Variants in KCNH1 observed in about 807,000 individuals in gnomAD.
KCNH1 encodes voltage-gated delayed rectifier potassium channel KCNH1.
A neutral mutation model predicts 69.2 loss-of-function variants in KCNH1; 27 were observed. The ratio of observed to expected loss-of-function variants is 0.39; its 90% confidence interval spans 0.29 to 0.54. The LOEUF (loss-of-function observed/expected upper bound fraction) is 0.54. Ranked by LOEUF, KCNH1 falls within the 20% of genes least tolerant of loss-of-function variation. KCNH1 has a pLI of 0.68. For missense variants in KCNH1, 798 were observed against 1,261.6 expected (o/e 0.63, Z 5.57); for synonymous variants, 456 against 487.7 (o/e 0.93, Z 0.86).
At chr1:210,782,847 C>T (rs1684014675) in intron 9 of KCNH1, among the ~76,000 whole-genome samples, 1 of 152,228 alleles carries the variant, frequency 6.6e-6, no homozygotes, top group Non-Finnish European at 1.5e-5. Flanking sequence ...AGTGAACCCT[C>T]ACAGGACACC....
chr1:211,059,771 GA>G (rs1200141470), intron 5 of KCNH1, among the ~76,000 whole-genome samples: 1 of 151,936 alleles, frequency 6.6e-6, no homozygotes, highest in Admixed American at 6.6e-5. Context: ...GAGAGAGAGA[GA>G]GAGAGATTCC....
chr1:210,877,264 G>C (rs1049289822), intron 7 of KCNH1, among the ~76,000 whole-genome samples: 1 of 152,152 alleles, frequency 6.6e-6, no homozygotes, highest in Non-Finnish European at 1.5e-5. Flanking sequence ...AGGGACGTAA[G>C]TGGAAGGTGG....
At chr1:210,713,541 T>TAAAG (rs1682131513) in intron 10 of KCNH1, among the ~76,000 whole-genome samples, 1 of 152,198 alleles carries the variant, frequency 6.6e-6, no homozygotes, top group Non-Finnish European at 1.5e-5. Flanking sequence ...TTGCTCTCCA[T>TAAAG]AAAGAAATAG....
intron 10 of KCNH1, among the ~76,000 whole-genome samples, chr1:210,769,338 C>T (rs746001003): frequency 6.6e-6 from 1 of 152,186 alleles, no homozygotes; most frequent in Non-Finnish European, 1.5e-5. Flanking sequence ...GAATAAAATG[C>T]TCTTTGGTTA....
At chr1:210,979,524 T>C (rs770688962) in intron 6 of KCNH1, among the ~76,000 whole-genome samples, 1 of 152,204 alleles carries the variant, frequency 6.6e-6, no homozygotes, top group Non-Finnish European at 1.5e-5. Context: ...ATATTTCCCA[T>C]TGAGTGAATT....
chr1:210,699,812 T>G (rs1336087451), intron 10 of KCNH1, among the ~76,000 whole-genome samples: 1 of 152,230 alleles, frequency 6.6e-6, no homozygotes, highest in Non-Finnish European at 1.5e-5. Context: ...CTATTATTTA[T>G]TTTATGAATG....
chr1:210,901,528 T>C (rs979875875), intron 7 of KCNH1, among the ~76,000 whole-genome samples: 3 of 152,024 alleles, frequency 2.0e-5, no homozygotes, highest in Non-Finnish European at 4.4e-5. Flanking sequence ...ACTGTTCCCA[T>C]GAGGAGTGAT....
At chr1:211,083,371 T>C (rs1388420262) in intron 4 of KCNH1, among the ~76,000 whole-genome samples, 1 of 152,254 alleles carries the variant, frequency 6.6e-6, no homozygotes, top group East Asian at 1.9e-4. Context: ...GCTAGTCAAA[T>C]GGCCATTCTA....
intron 7 of KCNH1, among the ~76,000 whole-genome samples, chr1:210,874,777 GA>G (rs1686331291): frequency 6.6e-6 from 1 of 151,822 alleles, no homozygotes; most frequent in African/African-American, 2.4e-5. Flanking sequence ...AGTGTTTAAT[GA>G]AAAAAAGGAA....
chr1:210,844,640 A>T (rs7532557), intron 7 of KCNH1, among the ~76,000 whole-genome samples: 152,239 of 152,246 alleles, frequency 1, 76,116 homozygotes, highest in Middle Eastern at 1. Flanking sequence ...GATCTAAAAT[A>T]GACACCCTAA....
At chr1:210,922,399 A>AC (rs1687480539) in intron 6 of KCNH1, among the ~76,000 whole-genome samples, 28 of 20,922 alleles carry the variant, frequency 1.3e-3, no homozygotes, top group South Asian at 5.7e-3. Flanking sequence ...AAAAAAAAAA[A>AC]AAAAAAAAAA....
chr1:210,689,193 C>A (rs141112182), intron 10 of KCNH1, among the ~76,000 whole-genome samples: 1 of 152,210 alleles, frequency 6.6e-6, no homozygotes, highest in East Asian at 1.9e-4. Flanking sequence ...GATCCTTAAG[C>A]TACAGGGATT....
chr1:210,758,617 C>A (rs74416594), intron 10 of KCNH1, among the ~76,000 whole-genome samples: 4,118 of 152,220 alleles, frequency 0.027, 114 homozygotes, highest in East Asian at 0.14. Flanking sequence ...CCCACTGAGT[C>A]AAAGAAAATG....
At chr1:210,797,357 C>T (rs1178584052) in intron 9 of KCNH1, 151 bp downstream of exon 9, 17 of 864,638 alleles carry the variant, frequency 2.0e-5, no homozygotes, top group African/African-American at 1.2e-4. Context: ...AACAGGCTCT[C>T]GCCGTTTGAT....
chr1:210,896,897 G>A (rs918333759), intron 7 of KCNH1, among the ~76,000 whole-genome samples: 1 of 152,150 alleles, frequency 6.6e-6, no homozygotes, highest in Non-Finnish European at 1.5e-5. Context: ...ATCTTTTTCT[G>A]TCTTCCAGCA....
chr1:210,818,441 C>G (rs1486141087), intron 7 of KCNH1, among the ~76,000 whole-genome samples: 1 of 152,174 alleles, frequency 6.6e-6, no homozygotes, highest in African/African-American at 2.4e-5. Flanking sequence ...GTAATCAGAG[C>G]TTTGCAGTCA....
chr1:210,753,909 AT>A (rs397982788), intron 10 of KCNH1, among the ~76,000 whole-genome samples: 5,434 of 140,814 alleles, frequency 0.039, 83 homozygotes, highest in Admixed American at 0.044. Flanking sequence ...TATCAGACTA[AT>A]TTTTTTTTTT....
chr1:211,101,714 G>A (rs950142868), intron 3 of KCNH1, among the ~76,000 whole-genome samples: 5 of 152,268 alleles, frequency 3.3e-5, no homozygotes, highest in Non-Finnish European at 4.4e-5. Context: ...GAGAATGGCC[G>A]TGGAGCAAAC....
intron 10 of KCNH1, among the ~76,000 whole-genome samples, chr1:210,730,028 C>T (rs976037026): frequency 1.3e-5 from 2 of 152,274 alleles, no homozygotes; most frequent in South Asian, 4.1e-4. Context: ...TCTATTCATT[C>T]CTGCAGGCAG....
Sources: gnomAD v4.1 joint callset for allele counts (sites outside exome capture counted in the v4.1 genomes callset) on GRCh38, gnomAD v4.1.1 for gene constraint, MANE v1.5 for transcripts, NCBI Gene and HGNC (gene_info 2026-07-23, HGNC 2026-07-21) for gene names.